RALGAPA1: variants seen among roughly 807,000 people sequenced by gnomAD.
RALGAPA1 encodes Ral GTPase activating protein catalytic subunit alpha 1, also known as ral GTPase-activating protein subunit alpha-1.
RALGAPA1 carries 52 observed loss-of-function variants against 269.6 expected under a neutral mutation model. The observed-to-expected ratio is 0.19, with a 90% CI of 0.15 to 0.24. The LOEUF is 0.24. Among genes scored for constraint, RALGAPA1 ranks in the 10% least tolerant of loss-of-function variants. The pLI is 1.00. For synonymous variants in RALGAPA1, 817 were observed against 1,008.3 expected (o/e 0.81, Z 3.60); for missense variants, 1,917 against 3,013.9 (o/e 0.64, Z 8.52).
intron 35 of RALGAPA1, among the ~76,000 whole-genome samples, chr14:35,623,954 G>T (rs2060816439): frequency 6.6e-6 from 1 of 151,780 alleles, no homozygotes; most frequent in Admixed American, 6.6e-5. Context: ...GTGGTGGCGG[G>T]CAAGTGCCTG....
intron 37 of RALGAPA1, among the ~76,000 whole-genome samples, chr14:35,585,536 A>G (rs1594703485): frequency 6.6e-6 from 1 of 152,240 alleles, no homozygotes; most frequent in East Asian, 1.9e-4. Flanking sequence ...TTTAAAAAAT[A>G]GTTAAAATGA....
rs183669919 is a variant in RALGAPA1 at position 35,805,734 on chromosome 14, G to C, written c.106+2996C>G. On this transcript the variant is annotated intron_variant, in intron 1 of 41. Coordinates refer to ENST00000680220, the MANE Select transcript of RALGAPA1 (RefSeq NM_001346249.2). ...GAGTCTCGCTCTGTTGCCCAGGCTG[G>C]AGTGCAGTAGCGTGATCTCGACTCA... 2.7e-5 allele frequency among the ~76,000 whole-genome samples: 4 copies of C among 150,304 alleles called. No individual in the cohort carries two copies. The East Asian group carries it at 7.8e-4, about 29-fold the overall frequency.
At chr14:35,563,916 A>G (rs996032951) in intron 39 of RALGAPA1, among the ~76,000 whole-genome samples, 1 of 152,080 alleles carries the variant, frequency 6.6e-6, no homozygotes, top group African/African-American at 2.4e-5. Flanking sequence ...GGTTCAAGCA[A>G]TTCTCCTGAA....
intron 1 of RALGAPA1, among the ~76,000 whole-genome samples, chr14:35,793,591 CACAA>C (rs1442184540): frequency 1.4e-5 from 2 of 138,348 alleles, no homozygotes; most frequent in Admixed American, 6.9e-5. Flanking sequence ...TAGATACACA[CACAA>C]ACACACACAC....
intron 33 of RALGAPA1, among the ~76,000 whole-genome samples, chr14:35,632,090 T>C (rs978887294): frequency 4.6e-5 from 7 of 152,164 alleles, no homozygotes; most frequent in Admixed American, 2.0e-4. Context: ...TGCCCTAAGT[T>C]GCTTCTCTAA....
At chr14:35,607,465 T>C (rs2059667235) in intron 35 of RALGAPA1, among the ~76,000 whole-genome samples, 1 of 152,190 alleles carries the variant, frequency 6.6e-6, no homozygotes, top group South Asian at 2.1e-4. Flanking sequence ...TCCCTCCCTC[T>C]CTTAGGGCAG....
rs148205899 is a variant in RALGAPA1 at position 35,804,209 on chromosome 14, C to A, written c.106+4521G>T. On this transcript the variant is annotated intron_variant, in intron 1 of 41. Transcript: ENST00000680220. ...CTGGGGAGGTGGACGTTGCAGTGAG[C>A]CAAGATCAAGCCACTGCACTCTAGC... Among the ~76,000 whole-genome samples the A allele has an allele frequency of 5.1e-3, 776 of 151,890 alleles. 4 individuals are homozygous for A. The highest frequency in any genetic ancestry group is 0.018 in the African/African-American group (741 of 41,432).
intron 39 of RALGAPA1, among the ~76,000 whole-genome samples, chr14:35,560,491 T>A (rs976369322): frequency 2.6e-5 from 4 of 152,192 alleles, no homozygotes; most frequent in Non-Finnish European, 4.4e-5. Context: ...ATTCCTCTAA[T>A]TTCCATCCCA....
At chr14:35,723,779 C>T (rs892680420) in intron 14 of RALGAPA1, 7 of 151,806 alleles carry the variant, frequency 4.6e-5, no homozygotes, top group African/African-American at 1.7e-4. Flanking sequence ...TTTTTAAACA[C>T]AACAAATTAA....
chr14:35,661,381 G>A (rs938309756), intron 27 of RALGAPA1, among the ~76,000 whole-genome samples: 5 of 152,058 alleles, frequency 3.3e-5, no homozygotes, highest in Admixed American at 1.3e-4. Flanking sequence ...ATATTCAAAG[G>A]GGAGAAAACG....
rs139651927 is a variant in RALGAPA1, at chr14:35,777,997, T to G, written c.107-2252A>C. On this transcript the variant is annotated intron_variant, in intron 1 of 41. Transcript: ENST00000680220. The stretch of plus-strand genomic sequence containing the variant: ...CTCAACATAAGATTTCAAAATAAAG[T>G]ACAGTAACAACATATAGATAGCACT... Among the ~76,000 whole-genome samples the G allele has an allele frequency of 5.1e-3, 770 of 152,310 alleles. 8 individuals carry two copies. The highest frequency in any genetic ancestry group is 0.018 in the African/African-American group (740 of 41,566).
intron 37 of RALGAPA1, among the ~76,000 whole-genome samples, chr14:35,586,566 G>A (rs985456289): frequency 6.6e-6 from 1 of 152,156 alleles, no homozygotes; most frequent in African/African-American, 2.4e-5. Flanking sequence ...TGCCCATTCA[G>A]TATGACATTG....
intron 12 of RALGAPA1, among the ~76,000 whole-genome samples, chr14:35,732,452 G>T (rs1156697215): frequency 1.3e-5 from 2 of 151,886 alleles, no homozygotes; most frequent in Non-Finnish European, 2.9e-5. Context: ...CCACTTAAAA[G>T]ATAGAGAACT....
intron 1 of RALGAPA1, among the ~76,000 whole-genome samples, chr14:35,777,188 T>A (rs1229385598): frequency 6.6e-6 from 1 of 152,118 alleles, no homozygotes; most frequent in Non-Finnish European, 1.5e-5. Context: ...GATACCATTT[T>A]TAAGTGCTAC....
At chr14:35,805,474 T>C (rs2077298794) in intron 1 of RALGAPA1, among the ~76,000 whole-genome samples, 1 of 148,512 alleles carries the variant, frequency 6.7e-6, no homozygotes, top group Admixed American at 6.7e-5. Flanking sequence ...AAACATAAAA[T>C]GACCGTACTG....
At chr14:35,696,536 GA>G (rs775853734) in intron 17 of RALGAPA1, among the ~76,000 whole-genome samples, 20 of 151,828 alleles carry the variant, frequency 1.3e-4, no homozygotes, top group Non-Finnish European at 2.8e-4. Context: ...ACTGGAGGAG[GA>G]AAAATGGGCT....
intron 15 of RALGAPA1, among the ~76,000 whole-genome samples, chr14:35,722,247 A>G (rs1314385192): frequency 2.0e-5 from 3 of 152,244 alleles, no homozygotes; most frequent in Admixed American, 2.0e-4. Flanking sequence ...TAGTTTGAGT[A>G]CATAATACCC....
chr14:35,669,861 G>A (rs570845489), intron 26 of RALGAPA1, among the ~76,000 whole-genome samples: 39 of 152,214 alleles, frequency 2.6e-4, no homozygotes, highest in African/African-American at 9.1e-4. Context: ...CAAGGGGAGG[G>A]GGAAGTTTAA....
rs759419690 is a variant in RALGAPA1, at chr14:35,683,968, C to T, written c.4312G>A (p.Asp1438Asn). Residue 1438 changes from aspartate (D) to asparagine (N), a missense_variant, in exon 21 of 42, where the codon GAC (aspartate) becomes AAC (asparagine). By Grantham distance (23) the Asp-to-Asn change is conservative. Transcript: ENST00000680220. Reference protein sequence around the residue: ...RKFDNFGFGTDTGVTSSADVD... With the variant: ...RKFDNFGFGTNTGVTSSADVD... ...TCAGCAGAGGACGTAACCCCAGTGT[C>T]GGTTCCAAAGCCAAAATCTATAGGA... 7 of 1,609,524 alleles carry T rather than the reference C, an allele frequency of 4.3e-6. No homozygotes were observed. In the South Asian group the frequency reaches 6.6e-5, roughly 15 times the overall value.
Sources: allele counts gnomAD v4.1 joint callset (sites outside exome capture counted in the v4.1 genomes callset), GRCh38; gene constraint gnomAD v4.1.1; transcripts MANE v1.5; gene names NCBI Gene and HGNC (gene_info 2026-07-23, HGNC 2026-07-21).